The following DYNC2H1 variants were observed in gnomAD, a reference collection of about 807,000 sequenced individuals.
DYNC2H1 encodes cytoplasmic dynein 2 heavy chain 1.
DYNC2H1 carries 410 observed loss-of-function variants against 570.0 expected under a neutral mutation model. That is an observed-to-expected ratio of 0.72 (90% CI 0.66 to 0.78). The LOEUF (loss-of-function observed/expected upper bound fraction) is 0.78, where lower values mean the gene tolerates loss of function less well. Among genes scored for constraint, DYNC2H1 ranks in the 30% least tolerant of loss-of-function variants. DYNC2H1 has a pLI of 0.00. For missense variants in DYNC2H1, 4,865 were observed against 5,046.4 expected (o/e 0.96, Z 1.09); for synonymous variants, 1,688 against 1,677.6 (o/e 1.01, Z -0.15).
At chr11:103,147,431 A>T (rs567052035) in intron 18 of DYNC2H1, among the ~76,000 whole-genome samples, 1 of 152,220 alleles carries the variant, frequency 6.6e-6, no homozygotes, top group East Asian at 1.9e-4. Context: ...ATAAATATTT[A>T]AATAGGTGTG....
At chr11:103,207,646 T>A in intron 52 of DYNC2H1, among the ~76,000 whole-genome samples, 1 of 150,636 alleles carries the variant, frequency 6.6e-6, no homozygotes, top group Non-Finnish European at 1.5e-5. Context: ...TTTGGGAGAG[T>A]GAAAGAGGGA....
At chr11:103,296,287 C>T (rs1009624702) in intron 75 of DYNC2H1, among the ~76,000 whole-genome samples, 2 of 152,150 alleles carry the variant, frequency 1.3e-5, no homozygotes, top group East Asian at 1.9e-4. Flanking sequence ...CTTGCTCTGC[C>T]TCCTTCTTAA....
At chr11:103,399,396 T>C (rs1942541313) in intron 83 of DYNC2H1, among the ~76,000 whole-genome samples, 1 of 150,426 alleles carries the variant, frequency 6.6e-6, no homozygotes, top group African/African-American at 2.5e-5. Flanking sequence ...CCTCAAATGC[T>C]CCACCTGCGT....
chr11:103,341,498 G>A (rs1436004591), intron 82 of DYNC2H1, among the ~76,000 whole-genome samples: 1 of 152,152 alleles, frequency 6.6e-6, no homozygotes, highest in African/African-American at 2.4e-5. Context: ...AGTTTACAAG[G>A]TAGATTCCTA....
chr11:103,457,272 T>G (rs956651063), intron 87 of DYNC2H1, among the ~76,000 whole-genome samples: 8 of 152,200 alleles, frequency 5.3e-5, no homozygotes, highest in Non-Finnish European at 1.0e-4. Flanking sequence ...TTATCATTAT[T>G]TTAGAGTGTA....
chr11:103,191,154 C>T (rs1165995922), intron 45 of DYNC2H1, among the ~76,000 whole-genome samples: 1 of 150,950 alleles, frequency 6.6e-6, no homozygotes, highest in East Asian at 1.9e-4. Flanking sequence ...ATTCTTCTGC[C>T]TTAGCCTCTC....
rs781509559 is a variant in DYNC2H1 at position 103,253,458 on chromosome 11, GATA to G, written c.10206+19_10206+21del. On this transcript the variant is annotated intron_variant, in intron 66 of 88. Coordinates refer to ENST00000375735, the MANE Select transcript of DYNC2H1 (RefSeq NM_001377.3). ...TGGATTACGAGGGCAGGTATACATAGATAATAATAATTTACCTTGGAATCTTTT... is the reference window on the plus strand; with the variant it reads ...TGGATTACGAGGGCAGGTATACATAGATAATAATTTACCTTGGAATCTTTT... 1.9e-5 allele frequency: 30 copies of G among 1,582,292 alleles called. No individual in the cohort carries two copies. Among genetic ancestry groups the G allele is most frequent in the Non-Finnish European group, 9.5e-6 (11 of 1,161,696 alleles).
In DYNC2H1 at chr11:103,268,504, T is replaced by C. The variant is rs973407108; in HGVS notation, c.10695+8527T>C. On this transcript the variant is annotated intron_variant, in intron 70 of 88. Coordinates refer to ENST00000375735, the MANE Select transcript of DYNC2H1 (RefSeq NM_001377.3). The surrounding 1 kb of genome is among the most constrained non-coding windows in gnomAD (Gnocchi z 4.6). ...TGTTAGATTTGTATGAGTAGTTTTT[T>C]TAAATGTAGTTTTAATCTGTTTTAT... Among the ~76,000 whole-genome samples the C allele has an allele frequency of 6.6e-6, 1 of 152,004 alleles. No individual in the cohort carries two copies. Among genetic ancestry groups the C allele is most frequent in the Non-Finnish European group, 1.5e-5 (1 of 67,886 alleles).
chr11:103,373,045 G>A (rs947959408), intron 83 of DYNC2H1, among the ~76,000 whole-genome samples: 4 of 152,100 alleles, frequency 2.6e-5, no homozygotes, highest in Non-Finnish European at 4.4e-5. Context: ...CTGGGCTCAG[G>A]CAATCCCCAT....
rs149668519 is a variant in DYNC2H1 at position 103,124,867 on chromosome 11, C to T, written c.1662-233C>T. Among the ~76,000 whole-genome samples, 814 of 152,000 alleles carry T rather than the reference C, an allele frequency of 5.4e-3. 3 individuals are homozygous for T. Among genetic ancestry groups the T allele is most frequent in the African/African-American group, 0.019 (774 of 41,470 alleles). ...ATTGATTTTTCTTACTTTAAAACTG[C>T]TTGGTTGAAATATTAATGTGATGAT... is the stretch of plus-strand genomic sequence containing the variant. On this transcript the variant is annotated intron_variant, in intron 11 of 88. Coordinates refer to ENST00000375735, the MANE Select transcript of DYNC2H1 (RefSeq NM_001377.3).
intron 21 of DYNC2H1, 97 bp downstream of exon 21, chr11:103,152,382 AT>A: frequency 8.6e-7 from 1 of 1,167,396 alleles, no homozygotes; most frequent in Non-Finnish European, 1.2e-6. Context: ...GTTTATAATA[AT>A]TTAATGTGGC....
Position 103,304,678 on chromosome 11 carries a change from G to C in DYNC2H1, c.11340G>C (p.Lys3780Asn). 6.2e-7 allele frequency: 1 copy of C among 1,613,278 alleles called. No homozygotes were observed. Reference protein sequence around the residue: ...CARNGDWLCLKNLHLVVSWLP... With the variant: ...CARNGDWLCLNNLHLVVSWLP... Reference sequence around the variant, plus strand: ...GCAATGGAGACTGGCTCTGTTTGAAGAACTTACATCTTGTGGTATCTTGGC... The same window carrying C: ...GCAATGGAGACTGGCTCTGTTTGAACAACTTACATCTTGTGGTATCTTGGC... The change falls in exon 77 of 89, where the codon AAG becomes AAC. Residue 3780 changes from lysine (K) to asparagine (N), a missense_variant. By Grantham distance (94) the Lys-to-Asn change is moderately conservative. This residue lies in a region of DYNC2H1 where 2,401 missense variants were observed against 2,454.6 expected (regional missense o/e 0.98). Coordinates refer to ENST00000375735, the MANE Select transcript of DYNC2H1 (RefSeq NM_001377.3).
In DYNC2H1 at chr11:103,198,028, C is replaced by T; in HGVS notation, c.7804C>T (p.Leu2602=). 6.4e-7 allele frequency: 1 copy of T among 1,553,156 alleles called. No individual in the cohort carries two copies. The change falls in exon 48 of 89, where the codon CTA becomes TTA. Residue 2602 remains leucine, a synonymous_variant. Transcript: ENST00000375735. The stretch of plus-strand genomic sequence containing the variant: ...TCCACATGGAAAACCACTTGGAAAA[C>T]TAAACTCTACTGATCTCAAGGATGT... ...LPPHGKPLGK[L]NSTDLKDVIK... is the part of the protein sequence containing the mutation.
rs752048070 is a variant in DYNC2H1, at chr11:103,304,692, T to C, written c.11354T>C (p.Val3785Ala). The C allele has an allele frequency of 9.9e-6, 16 of 1,613,000 alleles. No individual in the cohort carries two copies. The highest frequency in any genetic ancestry group is 1.4e-5 in the Non-Finnish European group (16 of 1,179,256). ...CTCTGTTTGAAGAACTTACATCTTG[T>C]GGTATCTTGGCTGCCAGTTCTGGAA... Reference protein sequence around the residue: ...DWLCLKNLHLVVSWLPVLEKE... With the variant: ...DWLCLKNLHLAVSWLPVLEKE... The change falls in exon 77 of 89, where the codon GTG becomes GCG. Residue 3785 changes from valine to alanine, a missense_variant. By Grantham distance (64) the Val-to-Ala change is moderately conservative (BLOSUM62 0). Transcript: ENST00000375735.
chr11:103,255,497 A>G lies in DYNC2H1; in HGVS notation c.10289A>G (p.Lys3430Arg). 1 of 1,563,902 alleles carries G rather than the reference A, an allele frequency of 6.4e-7. No individual in the cohort carries two copies. The highest frequency in any genetic ancestry group is 8.7e-7 in the Non-Finnish European group (1 of 1,153,126). ...TKLLQQEEDKKIQLAKLEESL... is the reference protein window; with the variant it reads ...TKLLQQEEDKRIQLAKLEESL... ...CTATTACAACAGGAAGAAGATAAGA[A>G]AATACAGCTAGCCAAGCTCGAAGAA... The change falls in exon 67 of 89, where the codon AAA becomes AGA. Residue 3430 changes from lysine (K) to arginine (R), a missense_variant. Lys to Arg is a conservative substitution (Grantham distance 26, BLOSUM62 2). Coordinates refer to ENST00000375735, the MANE Select transcript of DYNC2H1 (RefSeq NM_001377.3).
At chr11:103,351,626 A>C (rs1380631293) in intron 82 of DYNC2H1, among the ~76,000 whole-genome samples, 2 of 152,190 alleles carry the variant, frequency 1.3e-5, no homozygotes, top group African/African-American at 4.8e-5. Context: ...ATGTGATGAA[A>C]TATAGTTTCT....
chr11:103,423,917 C>T (rs1205684942), intron 84 of DYNC2H1, among the ~76,000 whole-genome samples: 1 of 151,938 alleles, frequency 6.6e-6, no homozygotes, highest in Non-Finnish European at 1.5e-5. Context: ...GTATATGGCA[C>T]TCACAGTACC....
chr11:103,388,452 G>A (rs572781239), intron 83 of DYNC2H1, among the ~76,000 whole-genome samples: 2 of 152,294 alleles, frequency 1.3e-5, no homozygotes, highest in South Asian at 4.1e-4. Context: ...TCTGCAAAGA[G>A]GGACAATTTG....
chr11:103,307,706 G>T lies in DYNC2H1; in HGVS notation c.11383-15G>T. 1 of 1,452,104 alleles carries T rather than the reference G, an allele frequency of 6.9e-7. No homozygotes were observed. The highest frequency in any genetic ancestry group is 9.3e-7 in the Non-Finnish European group (1 of 1,071,806). The allele number at this position is 1,452,104 out of a possible 1,614,324, so 90.0% of individuals were successfully genotyped here. On this transcript the variant is annotated splice_polypyrimidine_tract_variant and intron_variant, in intron 77 of 88. Transcript: ENST00000375735. ...TATATTTAAGTAAATTTTTGTCATT[G>T]GTTTTGTAAACAAGGAATTGAATAC...
Sources: allele counts gnomAD v4.1 joint callset (sites outside exome capture counted in the v4.1 genomes callset), GRCh38; gene constraint gnomAD v4.1.1; regional missense constraint gnomAD v4.1.1; non-coding constraint Gnocchi (gnomAD v3.1); transcripts MANE v1.5; gene names NCBI Gene and HGNC (gene_info 2026-07-23, HGNC 2026-07-21).